Variants in SH3PXD2A observed in about 807,000 individuals in gnomAD.
SH3PXD2A encodes the protein SH3 and PX domains 2A, also known as SH3 and PX domain-containing protein 2A.
In SH3PXD2A, 32 loss-of-function variants were observed where a neutral mutation model predicts 115.2. That is an observed-to-expected ratio of 0.28 (90% CI 0.21 to 0.37). The LOEUF (loss-of-function observed/expected upper bound fraction) is 0.37. SH3PXD2A is among the 10% of genes least tolerant of loss of function. SH3PXD2A has a pLI of 1.00. For synonymous variants in SH3PXD2A, 610 were observed against 629.1 expected (o/e 0.97, Z 0.45); for missense variants, 1,328 against 1,498.7 (o/e 0.89, Z 1.88).
At chr10:103,836,495 T>A (rs1333073828) in intron 1 of SH3PXD2A, among the ~76,000 whole-genome samples, 1 of 147,836 alleles carries the variant, frequency 6.8e-6, no homozygotes, top group Non-Finnish European at 1.5e-5. Flanking sequence ...CACAGACACA[T>A]CCATACACAC....
chr10:103,796,213 A>G (rs1362655844), intron 2 of SH3PXD2A, among the ~76,000 whole-genome samples: 1 of 151,638 alleles, frequency 6.6e-6, no homozygotes, highest in East Asian at 1.9e-4. Context: ...AAAAAAAAAA[A>G]TTAGCTAGTC....
At chr10:103,791,421 A>G (rs1018551296) in intron 2 of SH3PXD2A, among the ~76,000 whole-genome samples, 2 of 152,164 alleles carry the variant, frequency 1.3e-5, no homozygotes, top group African/African-American at 4.8e-5. Flanking sequence ...GAAAGGTGTG[A>G]TTTCCCACAC....
chr10:103,683,867 A>C (rs554451747), intron 6 of SH3PXD2A, among the ~76,000 whole-genome samples: 1 of 152,198 alleles, frequency 6.6e-6, no homozygotes, highest in South Asian at 2.1e-4. Flanking sequence ...TGCAGATCCC[A>C]AGCCATCCTG....
At chr10:103,813,314 CT>C (rs1019932329) in intron 1 of SH3PXD2A, among the ~76,000 whole-genome samples, 10 of 152,022 alleles carry the variant, frequency 6.6e-5, no homozygotes, top group African/African-American at 2.2e-4. Context: ...TTATAGATTT[CT>C]TTTTTTCTTT....
At chr10:103,645,267 A>G (rs1411108479) in intron 8 of SH3PXD2A, among the ~76,000 whole-genome samples, 2 of 152,180 alleles carry the variant, frequency 1.3e-5, no homozygotes, top group South Asian at 2.1e-4. Flanking sequence ...AGCACTGGGC[A>G]TCTTCTCTCC....
intron 5 of SH3PXD2A, among the ~76,000 whole-genome samples, chr10:103,697,384 T>A (rs985441145): frequency 2.6e-5 from 4 of 152,188 alleles, no homozygotes; most frequent in Non-Finnish European, 4.4e-5. Context: ...AAAGACCTGT[T>A]TAAACCTGGG....
chr10:103,731,318 G>A (rs371884761), intron 4 of SH3PXD2A, among the ~76,000 whole-genome samples: 1 of 151,878 alleles, frequency 6.6e-6, no homozygotes, highest in Non-Finnish European at 1.5e-5. Flanking sequence ...GCACTACCAC[G>A]CCCAGCTACT....
chr10:103,608,630 T>G (rs549769799), intron 13 of SH3PXD2A: 4 of 143,316 alleles, frequency 2.8e-5, no homozygotes, highest in Admixed American at 2.7e-4. Flanking sequence ...AATTATTCTA[T>G]TCTTTAAAAA....
chr10:103,794,502 G>A (rs778269276), intron 2 of SH3PXD2A, among the ~76,000 whole-genome samples: 7 of 152,140 alleles, frequency 4.6e-5, no homozygotes, highest in African/African-American at 1.7e-4. Flanking sequence ...AGAGTCTTCC[G>A]GCCCCTCCTC....
chr10:103,651,972 C>T (rs1254320767), intron 8 of SH3PXD2A, among the ~76,000 whole-genome samples: 1 of 152,220 alleles, frequency 6.6e-6, no homozygotes, highest in Non-Finnish European at 1.5e-5. Context: ...CTATCGCACA[C>T]CAGTCTCAAA....
At position 103,600,862 on chromosome 10, in the gene SH3PXD2A, G is replaced by A. The variant is rs1487861007; in HGVS notation, c.*954C>T. ...CAAAAGCAAAATCACCCGCCCACAA[G>A]ATACAACAGAAACCCCATCCACTAC... On this transcript the variant is annotated 3_prime_UTR_variant, in exon 15 of 15. Coordinates refer to ENST00000369774, the MANE Select transcript of SH3PXD2A (RefSeq NM_001394015.1). 1 of 152,182 alleles carries A rather than the reference G, an allele frequency of 6.6e-6. No individual in the cohort carries two copies. Among genetic ancestry groups the A allele is most frequent in the Non-Finnish European group, 1.5e-5 (1 of 68,036 alleles). 9.4% of individuals were successfully genotyped at this position (152,182 alleles called of 1,614,324 possible).
In SH3PXD2A at chr10:103,727,624, G is replaced by A. The variant is rs372402038; in HGVS notation, c.307-3263C>T. Among the ~76,000 whole-genome samples, 14 of 152,322 alleles carry A rather than the reference G, an allele frequency of 9.2e-5. No homozygotes were observed. In the East Asian group the frequency reaches 1.9e-3, roughly 21 times the overall value. On this transcript the variant is annotated intron_variant, in intron 4 of 14. Transcript: ENST00000369774. ...TGTGCTGCCACTCACCCTAAGCACAGACCCTGGCCAGCCATGGCTCACCCA... is the reference window on the plus strand; with the variant it reads ...TGTGCTGCCACTCACCCTAAGCACAAACCCTGGCCAGCCATGGCTCACCCA...
At chr10:103,728,563 T>C (rs978330092) in intron 4 of SH3PXD2A, among the ~76,000 whole-genome samples, 1 of 152,190 alleles carries the variant, frequency 6.6e-6, no homozygotes. Context: ...AACTCCCTGA[T>C]GAGGTGAAAT....
At chr10:103,637,502 C>T (rs2036885073) in intron 8 of SH3PXD2A, among the ~76,000 whole-genome samples, 1 of 152,096 alleles carries the variant, frequency 6.6e-6, no homozygotes, top group Non-Finnish European at 1.5e-5. Context: ...AAGACAGGCC[C>T]TGCCTCAAAC....
At chr10:103,683,576 C>T (rs1003578329) in intron 6 of SH3PXD2A, among the ~76,000 whole-genome samples, 3 of 152,104 alleles carry the variant, frequency 2.0e-5, no homozygotes, top group African/African-American at 2.4e-5. Flanking sequence ...GTGGGAAGAT[C>T]GCTTGAGCCC....
chr10:103,780,432 G>T (rs1158152392), intron 2 of SH3PXD2A, among the ~76,000 whole-genome samples: 1 of 152,214 alleles, frequency 6.6e-6, no homozygotes, highest in Non-Finnish European at 1.5e-5. Context: ...GAAGGCTGGG[G>T]TCAAGCGGGC....
At chr10:103,679,450 A>T (rs1462947726) in intron 6 of SH3PXD2A, among the ~76,000 whole-genome samples, 1 of 152,230 alleles carries the variant, frequency 6.6e-6, no homozygotes, top group Non-Finnish European at 1.5e-5. Context: ...CTAGCCTTCA[A>T]GGGTACCCTC....
chr10:103,637,467 T>A (rs933361850), intron 8 of SH3PXD2A, among the ~76,000 whole-genome samples: 6 of 151,966 alleles, frequency 3.9e-5, no homozygotes, highest in African/African-American at 1.2e-4. Flanking sequence ...TGGGGAAGGG[T>A]GCATGGTGGA....
At chr10:103,702,816 T>C (rs2037935681) in intron 5 of SH3PXD2A, among the ~76,000 whole-genome samples, 1 of 152,194 alleles carries the variant, frequency 6.6e-6, no homozygotes, top group Non-Finnish European at 1.5e-5. Context: ...TTCTAGCTCC[T>C]TCTGGTTTCC....
Sources: allele counts gnomAD v4.1 joint callset (sites outside exome capture counted in the v4.1 genomes callset), GRCh38; gene constraint gnomAD v4.1.1; transcripts MANE v1.5; gene names NCBI Gene and HGNC (gene_info 2026-07-23, HGNC 2026-07-21).